Variants in ATP6V1F observed in about 807,000 individuals in gnomAD.
ATP6V1F encodes the protein ATPase H+ transporting V1 subunit F.
In ATP6V1F, 4 loss-of-function variants were observed where a neutral mutation model predicts 6.6. The observed-to-expected ratio is 0.60, with a 90% CI of 0.30 to 1.38. ATP6V1F has a LOEUF of 1.38. Ranked by LOEUF, ATP6V1F falls within the 40% of genes most tolerant of loss-of-function variation. The pLI is 0.08. For synonymous variants in ATP6V1F, 68 were observed against 66.9 expected (o/e 1.02, Z -0.08); for missense variants, 136 against 165.5 (o/e 0.82, Z 0.98).
In ATP6V1F at chr7:128,865,639, C is replaced by A; in HGVS notation, c.*61C>A. On this transcript the variant is annotated 3_prime_UTR_variant, in exon 2 of 2. Transcript: ENST00000249289. The surrounding 1 kb of genome is among the most constrained non-coding windows in gnomAD (Gnocchi z 4.4). ...CCAGGCCTCTCCCCAGGCTTGCCAT[C>A]AGCCTTCTTTACTTTTTGAGCCTCT... The A allele has an allele frequency of 6.6e-7, 1 of 1,511,356 alleles. No individual in the cohort carries two copies. The highest frequency in any genetic ancestry group is 9.0e-7 in the Non-Finnish European group (1 of 1,115,788). 93.6% of individuals were successfully genotyped at this position (1,511,356 alleles called of 1,614,324 possible).
At chr7:128,864,400 G>A (rs1809337299) in intron 1 of ATP6V1F, among the ~76,000 whole-genome samples, 1 of 152,050 alleles carries the variant, frequency 6.6e-6, no homozygotes, top group African/African-American at 2.4e-5. Context: ...GAGAGAAGGA[G>A]CACAAGGCCA....
chr7:128,865,574 G>A lies in ATP6V1F; in HGVS notation c.356G>A (p.Arg119His), dbSNP rs529982053. ...ARGMFTAEDL[R>H] ...GGCATGTTCACTGCCGAAGACCTGCGCTAGGGGACTCCTCATAGCCCTCAG... is the reference window on the plus strand; with the variant it reads ...GGCATGTTCACTGCCGAAGACCTGCACTAGGGGACTCCTCATAGCCCTCAG... The change falls in exon 2 of 2, where the codon CGC (arginine) becomes CAC (histidine). Residue 119 changes from arginine (R) to histidine (H), a missense_variant. Arg to His is a conservative substitution (Grantham distance 29). Transcript: ENST00000249289. This position sits in a 1 kb window ranked among gnomAD's most constrained non-coding sequence, Gnocchi z 4.4. 254 of 1,613,238 alleles carry A rather than the reference G, an allele frequency of 1.6e-4. 3 individuals are homozygous for A. In the South Asian group the frequency reaches 2.5e-3, roughly 16 times the overall value.
chr7:128,863,155 G>A, intron 1 of ATP6V1F, 93 bp downstream of exon 1: 1 of 1,466,794 alleles, frequency 6.8e-7, no homozygotes, highest in Non-Finnish European at 9.2e-7. Context: ...GTGAGGGGAC[G>A]ATCCTGAAAG....
Position 128,865,078 on chromosome 7 carries a change from T to C in ATP6V1F, c.159-299T>C, listed in dbSNP as rs534025604. ...CCCCTTTCTGACACATCACTGCATA[T>C]TGAATACACCAGTGTGCACCCTAAT... On this transcript the variant is annotated intron_variant, in intron 1 of 1. Transcript: ENST00000249289. This position sits in a 1 kb window ranked among gnomAD's most constrained non-coding sequence, Gnocchi z 4.4. 9 of 1,443,254 alleles carry C rather than the reference T, an allele frequency of 6.2e-6. No individual in the cohort carries two copies. Among genetic ancestry groups the C allele is most frequent in the African/African-American group, 1.4e-5 (1 of 71,238 alleles). The allele number at this position is 1,443,254 out of a possible 1,614,324, so 89.4% of individuals were successfully genotyped here. A position where few individuals can be genotyped will look rare whatever the true frequency, so the allele number is the denominator to read the frequency against.
chr7:128,864,862 TAG>T (rs71162535), intron 1 of ATP6V1F: 100,559 of 373,266 alleles, frequency 0.27, 1,712 homozygotes, highest in South Asian at 0.32. Flanking sequence ...TATATATAGA[TAG>T]AGAGAGAGAG....
At position 128,865,275 on chromosome 7, in the gene ATP6V1F, C is replaced by T. The variant is rs1285254174; in HGVS notation, c.159-102C>T. 3.8e-6 allele frequency: 6 copies of T among 1,571,134 alleles called. No homozygotes were observed. The highest frequency in any genetic ancestry group is 5.2e-6 in the Non-Finnish European group (6 of 1,153,930). On this transcript the variant is annotated intron_variant, in intron 1 of 1. Transcript: ENST00000249289. This position sits in a 1 kb window ranked among gnomAD's most constrained non-coding sequence, Gnocchi z 4.4. Reference sequence around the variant, plus strand: ...CTGTGCCCTCTGGGTCATGCTCATTCCCCTCCACAGCCCAGCCCAACAACT... The same window carrying T: ...CTGTGCCCTCTGGGTCATGCTCATTTCCCTCCACAGCCCAGCCCAACAACT...
chr7:128,864,715 C>T (rs1302186086), intron 1 of ATP6V1F, among the ~76,000 whole-genome samples: 1 of 151,568 alleles, frequency 6.6e-6, no homozygotes, highest in Admixed American at 6.6e-5. Context: ...ATTCTCCCAC[C>T]TCAGCTTCCT....
chr7:128,863,048 C>A lies in ATP6V1F; in HGVS notation c.144C>A (p.Ile48=), dbSNP rs144361793. ...AGAAGGATACAACCATCAATGAGAT[C>A]GAAGACACTTTCCGGTACGGTACCG... The part of the protein sequence containing the change: ...VVEKDTTINE[I]EDTFRQFLNR... The change falls in exon 1 of 2, where the codon ATC becomes ATA. Residue 48 remains isoleucine (I), a synonymous_variant. Coordinates refer to ENST00000249289, the MANE Select transcript of ATP6V1F (RefSeq NM_004231.4). 75 of 1,611,764 alleles carry A rather than the reference C, an allele frequency of 4.7e-5. No individual in the cohort carries two copies. The highest frequency in any genetic ancestry group is 5.9e-5 in the Non-Finnish European group (70 of 1,179,096).
rs747725095 is a variant in ATP6V1F, at chr7:128,865,334, C to T, written c.159-43C>T. On this transcript the variant is annotated intron_variant, in intron 1 of 1. Coordinates refer to ENST00000249289, the MANE Select transcript of ATP6V1F (RefSeq NM_004231.4). The surrounding 1 kb of genome is among the most constrained non-coding windows in gnomAD (Gnocchi z 4.4). ...GCTGCCTGGGTAGGAGAGACGGCAG[C>T]CCCCAGAGCTGTCCTGGACTCCCTT... 48 of 1,607,294 alleles carry T rather than the reference C, an allele frequency of 3.0e-5. 1 individual carries two copies. In the Middle Eastern group the frequency reaches 5.2e-4, roughly 18 times the overall value.
Position 128,865,376 on chromosome 7 carries a change from G to A in ATP6V1F, c.159-1G>A. On this transcript the variant is annotated splice_acceptor_variant, in intron 1 of 1. Coordinates refer to ENST00000249289, the MANE Select transcript of ATP6V1F (RefSeq NM_004231.4). LOFTEE classifies it high-confidence loss of function. This position sits in a 1 kb window ranked among gnomAD's most constrained non-coding sequence, Gnocchi z 4.4. The stretch of plus-strand genomic sequence containing the variant: ...GACTCCCTTCTCATCTCTCCCCACA[G>A]GCAATTTCTAAACCGGGATGACATT... The A allele has an allele frequency of 6.2e-7, 1 of 1,614,046 alleles. No individual in the cohort carries two copies. The highest frequency in any genetic ancestry group is 1.3e-5 in the African/African-American group (1 of 75,024).
At chr7:128,863,762 C>T (rs1013630773) in intron 1 of ATP6V1F, among the ~76,000 whole-genome samples, 1 of 152,158 alleles carries the variant, frequency 6.6e-6, no homozygotes. Context: ...GCCCCTGTAC[C>T]AAGTCTCAGG....
At position 128,865,066 on chromosome 7, in the gene ATP6V1F, C is replaced by T; in HGVS notation, c.159-311C>T. The T allele has an allele frequency of 2.9e-6, 4 of 1,374,926 alleles. No homozygotes were observed. The highest frequency in any genetic ancestry group is 4.0e-6 in the Non-Finnish European group (4 of 1,000,006). The allele number at this position is 1,374,926 out of a possible 1,614,324, so 85.2% of individuals were successfully genotyped here. Reference sequence around the variant, plus strand: ...AATCTTATCCTTCCCCTTTCTGACACATCACTGCATATTGAATACACCAGT... The same window carrying T: ...AATCTTATCCTTCCCCTTTCTGACATATCACTGCATATTGAATACACCAGT... On this transcript the variant is annotated intron_variant, in intron 1 of 1. Coordinates refer to ENST00000249289, the MANE Select transcript of ATP6V1F (RefSeq NM_004231.4). This position sits in a 1 kb window ranked among gnomAD's most constrained non-coding sequence, Gnocchi z 4.4.
At chr7:128,864,095 A>G (rs187712298) in intron 1 of ATP6V1F, among the ~76,000 whole-genome samples, 2 of 152,214 alleles carry the variant, frequency 1.3e-5, no homozygotes, top group Non-Finnish European at 2.9e-5. Flanking sequence ...TGTAATCCCA[A>G]CAGTTTTGGA....
At position 128,865,239 on chromosome 7, in the gene ATP6V1F, C is replaced by T; in HGVS notation, c.159-138C>T. 1 of 1,546,880 alleles carries T rather than the reference C, an allele frequency of 6.5e-7. No homozygotes were observed. The highest frequency in any genetic ancestry group is 8.7e-7 in the Non-Finnish European group (1 of 1,146,590). ...CAGAGGGTTGAGCGTGGCAGCCTTT[C>T]CCCTTGTCCTCTGTGCCCTCTGGGT... On this transcript the variant is annotated intron_variant, in intron 1 of 1. Transcript: ENST00000249289. This position sits in a 1 kb window ranked among gnomAD's most constrained non-coding sequence, Gnocchi z 4.4.
At chr7:128,864,035 ATTTTT>A (rs1809328663) in intron 1 of ATP6V1F, among the ~76,000 whole-genome samples, 1 of 152,184 alleles carries the variant, frequency 6.6e-6, no homozygotes, top group Non-Finnish European at 1.5e-5. Context: ...TCAGTAAGTA[ATTTTT>A]AATCAGTAAA....
intron 1 of ATP6V1F, among the ~76,000 whole-genome samples, chr7:128,864,537 T>C (rs1451907495): frequency 6.6e-6 from 1 of 152,020 alleles, no homozygotes; most frequent in Non-Finnish European, 1.5e-5. Flanking sequence ...CCTTGAGGCC[T>C]TCAGTGGTCT....
At position 128,865,505 on chromosome 7, in the gene ATP6V1F, A is replaced by G. The variant is rs1187729899; in HGVS notation, c.287A>G (p.His96Arg). Residue 96 changes from histidine to arginine, a missense_variant, in exon 2 of 2, where the codon CAC becomes CGC. By Grantham distance (29) the His-to-Arg change is conservative (BLOSUM62 0). Coordinates refer to ENST00000249289, the MANE Select transcript of ATP6V1F (RefSeq NM_004231.4). The surrounding 1 kb of genome is among the most constrained non-coding windows in gnomAD (Gnocchi z 4.4). ...GTCCTGGAGATCCCCTCCAAGGAGC[A>G]CCCATATGACGCCGCCAAGGACTCC... is the stretch of plus-strand genomic sequence containing the variant. Reference protein sequence around the residue: ...PAVLEIPSKEHPYDAAKDSIL... With the variant: ...PAVLEIPSKERPYDAAKDSIL... The G allele has an allele frequency of 6.2e-7, 1 of 1,614,124 alleles. No individual in the cohort carries two copies. The highest frequency in any genetic ancestry group is 8.5e-7 in the Non-Finnish European group (1 of 1,180,036).
intron 1 of ATP6V1F, chr7:128,864,871 AG>A: frequency 2.1e-6 from 1 of 484,382 alleles, no homozygotes; most frequent in East Asian, 4.0e-5. Context: ...ATAGAGAGAG[AG>A]AGAGAGAGAG....
chr7:128,862,915 G>C lies in ATP6V1F; in HGVS notation c.11G>C (p.Arg4Thr), dbSNP rs143547947. The change falls in exon 1 of 2, where the codon AGG becomes ACG. Residue 4 changes from arginine to threonine, a missense_variant. Transcript: ENST00000249289. Reference sequence around the variant, plus strand: ...TGCCCGGCTGCAGGGATGGCGGGGAGGGGTAAGCTCATCGCAGTGATCGGA... The same window carrying C: ...TGCCCGGCTGCAGGGATGGCGGGGACGGGTAAGCTCATCGCAGTGATCGGA... MAGRGKLIAVIGDE... is the reference protein window; with the variant it reads MAGTGKLIAVIGDE... 8.7e-6 allele frequency: 14 copies of C among 1,604,742 alleles called. No individual in the cohort carries two copies.
Sources: allele counts gnomAD v4.1 joint callset (sites outside exome capture counted in the v4.1 genomes callset), GRCh38; gene constraint gnomAD v4.1.1; non-coding constraint Gnocchi (gnomAD v3.1); transcripts MANE v1.5; gene names NCBI Gene and HGNC (gene_info 2026-07-23, HGNC 2026-07-21).